Variants in RCC1 observed in about 807,000 individuals in gnomAD.
RCC1 encodes regulator of chromosome condensation 1, also known as regulator of chromosome condensation.
Under a neutral mutation model 44.4 loss-of-function variants are expected in RCC1, and 11 were observed. The observed-to-expected ratio is 0.25, with a 90% CI of 0.16 to 0.41. The LOEUF (loss-of-function observed/expected upper bound fraction) is 0.41. RCC1 is among the 10% of genes least tolerant of loss of function. The pLI is 1.00. For synonymous variants in RCC1, 213 were observed against 216.5 expected (o/e 0.98, Z 0.14); for missense variants, 386 against 547.1 (o/e 0.71, Z 2.94).
intron 3 of RCC1, among the ~76,000 whole-genome samples, chr1:28,516,162 G>A (rs552834735): frequency 2.4e-4 from 36 of 151,154 alleles, no homozygotes; most frequent in African/African-American, 7.5e-4. Context: ...TAGCCTGGGC[G>A]GGTCAGGAGT....
intron 2 of RCC1, 23 bp from the exon 3 acceptor site, chr1:28,508,807 A>G (rs763851447): frequency 1.9e-6 from 1 of 517,828 alleles, no homozygotes; most frequent in Non-Finnish European, 3.9e-6. Flanking sequence ...TCAGGAGTCT[A>G]ATCATTATTT....
chr1:28,532,702 T>G (rs1230079561), intron 7 of RCC1: 1 of 485,310 alleles, frequency 2.1e-6, no homozygotes, highest in Admixed American at 2.3e-5. Context: ...TCCCAGAGGC[T>G]TGGATGGGGC....
intron 3 of RCC1, chr1:28,510,688 C>A (rs1662469382): frequency 6.6e-6 from 1 of 152,224 alleles, no homozygotes; most frequent in South Asian, 2.1e-4. Context: ...TTTAATACAG[C>A]ATATTCCAAT....
At chr1:28,528,101 C>A (rs1198828148) in intron 4 of RCC1, among the ~76,000 whole-genome samples, 1 of 151,472 alleles carries the variant, frequency 6.6e-6, no homozygotes, top group African/African-American at 2.4e-5. Context: ...AGGTGGATTA[C>A]TTGAGATTAG....
chr1:28,526,129 A>G (rs1239305870), intron 4 of RCC1, among the ~76,000 whole-genome samples: 2 of 152,082 alleles, frequency 1.3e-5, no homozygotes, highest in South Asian at 2.1e-4. Context: ...TACAAAATAT[A>G]TAAAAATTAG....
In RCC1 at chr1:28,538,223, G is replaced by T; in HGVS notation, c.*216G>T. ...ACAGAATAAAGGGGGGGATGGACAG[G>T]GGGTTTTCAAAAGGAACATGGCTCA... On this transcript the variant is annotated 3_prime_UTR_variant, in exon 13 of 13. Transcript: ENST00000683442. 2.1e-6 allele frequency: 1 copy of T among 471,704 alleles called. No individual in the cohort carries two copies. Among genetic ancestry groups the T allele is most frequent in the Non-Finnish European group, 3.7e-6 (1 of 266,774 alleles). The allele number at this position is 471,704 out of a possible 1,614,324, so 29.2% of individuals were successfully genotyped here.
intron 7 of RCC1, chr1:28,532,560 A>C (rs897345024): frequency 4.0e-5 from 23 of 571,804 alleles, no homozygotes; most frequent in African/African-American, 3.6e-4. Flanking sequence ...GATGTCATCA[A>C]GTGTCTGTCC....
intron 3 of RCC1, among the ~76,000 whole-genome samples, chr1:28,512,151 T>G (rs1662594197): frequency 1.4e-5 from 2 of 145,962 alleles, no homozygotes; most frequent in African/African-American, 5.1e-5. Flanking sequence ...TTTTTGTGTT[T>G]TTTTTTTCAG....
Position 28,519,966 on chromosome 1 carries a change from G to A in RCC1, c.-10+3099G>A, listed in dbSNP as rs547624258. Among the ~76,000 whole-genome samples the A allele has an allele frequency of 2.0e-5, 3 of 151,810 alleles. No individual in the cohort carries two copies. The South Asian group carries it at 6.2e-4, about 32-fold the overall frequency. On this transcript the variant is annotated intron_variant, in intron 4 of 12. Transcript: ENST00000683442. ...CAGTCGCTGCAGCCTCCACCTCCCG[G>A]GTTCAAGCGATTCTCCTGTCTCAGC...
In RCC1 at chr1:28,528,870, G is replaced by T. The variant is rs72661798; in HGVS notation, c.-9-988G>T. Among the ~76,000 whole-genome samples, 44 of 119,402 alleles carry T rather than the reference G, an allele frequency of 3.7e-4. 1 individual carries two copies. Among genetic ancestry groups the T allele is most frequent in the East Asian group, 3.7e-3 (17 of 4,646 alleles). The allele number at this position is 119,402 out of a possible 152,430, so 78.3% of individuals were successfully genotyped here. On this transcript the variant is annotated intron_variant, in intron 4 of 12. Transcript: ENST00000683442. ...TTTTTTTTTTTTTTTTTTTTGGTTG[G>T]GGGGTGGAGTTTCACTACTCTTTCT...
At chr1:28,531,254 C>G (rs980095952) in intron 5 of RCC1, among the ~76,000 whole-genome samples, 1 of 124,936 alleles carries the variant, frequency 8.0e-6, no homozygotes, top group Non-Finnish European at 1.8e-5. Flanking sequence ...AATTAGCTTT[C>G]TTTTCTTTTT....
chr1:28,514,156 CA>C (rs1158044888), intron 3 of RCC1, among the ~76,000 whole-genome samples: 228 of 134,646 alleles, frequency 1.7e-3, no homozygotes, highest in Middle Eastern at 7.7e-3. Flanking sequence ...GACTCCGTCT[CA>C]AAAAAAAAAA....
chr1:28,516,198 G>A (rs978958559), intron 3 of RCC1, among the ~76,000 whole-genome samples: 1 of 151,252 alleles, frequency 6.6e-6, no homozygotes. Flanking sequence ...CCAACATGGA[G>A]AAACCCCATC....
At chr1:28,512,945 C>T (rs1662651435) in intron 3 of RCC1, among the ~76,000 whole-genome samples, 1 of 152,114 alleles carries the variant, frequency 6.6e-6, no homozygotes, top group African/African-American at 2.4e-5. Context: ...CAGGTGCCTG[C>T]CACCATGCCC....
At chr1:28,522,484 G>A (rs1663346902) in intron 4 of RCC1, among the ~76,000 whole-genome samples, 1 of 152,050 alleles carries the variant, frequency 6.6e-6, no homozygotes, top group African/African-American at 2.4e-5. Flanking sequence ...AAGCAGGCCA[G>A]CAGCTTGCTT....
chr1:28,510,651 A>G (rs542575143), intron 3 of RCC1: 1 of 152,340 alleles, frequency 6.6e-6, no homozygotes, highest in South Asian at 2.1e-4. Flanking sequence ...TGTGCCAGGC[A>G]CTGTTCTAGG....
In RCC1 at chr1:28,536,428, G is replaced by A; in HGVS notation, c.937+47G>A. ...CTAGTTTGGGGGTGGAGTGTTCCCT[G>A]GCCTAGGCCTAGCCAGATTCCTGAG... On this transcript the variant is annotated intron_variant, in intron 11 of 12. Coordinates refer to ENST00000683442, the MANE Select transcript of RCC1 (RefSeq NM_001381865.2). The surrounding 1 kb of genome is among the most constrained non-coding windows in gnomAD (Gnocchi z 4.9). 1.3e-6 allele frequency: 2 copies of A among 1,591,218 alleles called. No homozygotes were observed. The highest frequency in any genetic ancestry group is 1.7e-6 in the Non-Finnish European group (2 of 1,172,132).
At chr1:28,524,273 A>G (rs936184593) in intron 4 of RCC1, among the ~76,000 whole-genome samples, 5 of 152,208 alleles carry the variant, frequency 3.3e-5, no homozygotes, top group South Asian at 2.1e-4. Context: ...AGTGTTCTCT[A>G]TCTCACTACA....
At position 28,506,084 on chromosome 1, in the gene RCC1, G is replaced by A. The variant is rs34988350; in HGVS notation, c.-262G>A. The A allele has an allele frequency of 5.9e-4, 268 of 455,534 alleles. No homozygotes were observed. Among genetic ancestry groups the A allele is most frequent in the Non-Finnish European group, 9.7e-4 (221 of 226,774 alleles). The allele number at this position is 455,534 out of a possible 1,614,324, so 28.2% of individuals were successfully genotyped here. On this transcript the variant is annotated splice_region_variant and 5_prime_UTR_variant, in exon 1 of 13. Coordinates refer to ENST00000683442, the MANE Select transcript of RCC1 (RefSeq NM_001381865.2). ...TTCGCAGTGGTCGCTTCTTCTCCTT[G>A]GTAAGTGTGATCCTTGGTAAGTGTG...
Sources: allele counts gnomAD v4.1 joint callset (sites outside exome capture counted in the v4.1 genomes callset), GRCh38; gene constraint gnomAD v4.1.1; non-coding constraint Gnocchi (gnomAD v3.1); transcripts MANE v1.5; gene names NCBI Gene and HGNC (gene_info 2026-07-23, HGNC 2026-07-21).